Variants in NR3C1 observed in about 807,000 individuals in gnomAD.
NR3C1 encodes glucocorticoid receptor.
A neutral mutation model predicts 74.0 loss-of-function variants in NR3C1; 14 were observed. The observed-to-expected ratio is 0.19, with a 90% CI of 0.12 to 0.30. The LOEUF is 0.30. NR3C1 is among the 10% of genes least tolerant of loss of function. The pLI, the probability that NR3C1 is intolerant of heterozygous loss-of-function variation, is 1.00. For missense variants in NR3C1, 695 were observed against 909.8 expected (o/e 0.76, Z 3.04); for synonymous variants, 308 against 332.5 (o/e 0.93, Z 0.80).
intron 2 of NR3C1, among the ~76,000 whole-genome samples, chr5:143,369,027 A>T (rs993855001): frequency 6.6e-6 from 1 of 151,966 alleles, no homozygotes; most frequent in Non-Finnish European, 1.5e-5. Flanking sequence ...TAGTACATTA[A>T]CTCATGAATG....
At chr5:143,340,906 C>T (rs918088276) in intron 2 of NR3C1, among the ~76,000 whole-genome samples, 1 of 152,092 alleles carries the variant, frequency 6.6e-6, no homozygotes, top group Non-Finnish European at 1.5e-5. Context: ...GCTTGTTGTA[C>T]ATATTATTTC....
At chr5:143,329,267 G>A (rs1242647743) in intron 2 of NR3C1, among the ~76,000 whole-genome samples, 1 of 152,114 alleles carries the variant, frequency 6.6e-6, no homozygotes, top group Non-Finnish European at 1.5e-5. Flanking sequence ...CAGATGTTTT[G>A]CGATCTCCCA....
chr5:143,435,188 T>G, exon 1 of NR3C1: 1 of 985,460 alleles, frequency 1.0e-6, no homozygotes, highest in Non-Finnish European at 1.2e-6. Flanking sequence ...CCACTTTCCC[T>G]TTTTTCTTCT....
At chr5:143,405,066 C>G (rs1561804466), upstream of NR3C1, 13 of 954,238 alleles carry the variant, frequency 1.4e-5, no homozygotes, top group South Asian at 5.3e-4. Flanking sequence ...GAGGGGTGCC[C>G]GTGCGGGAAG....
chr5:143,319,016 G>A (rs968844903), intron 2 of NR3C1, among the ~76,000 whole-genome samples: 3 of 152,204 alleles, frequency 2.0e-5, no homozygotes, highest in African/African-American at 7.2e-5. Context: ...ATAATGAAAT[G>A]GCAAATAAAG....
chr5:143,364,645 T>C (rs1273480006), intron 2 of NR3C1, among the ~76,000 whole-genome samples: 2 of 152,156 alleles, frequency 1.3e-5, no homozygotes, highest in African/African-American at 2.4e-5. Flanking sequence ...AGAAGAGGTA[T>C]ACAGAGGCAA....
intron 2 of NR3C1, among the ~76,000 whole-genome samples, chr5:143,356,429 G>A (rs540019946): frequency 1.1e-4 from 16 of 152,080 alleles, no homozygotes; most frequent in African/African-American, 3.9e-4. Flanking sequence ...AAAATGGGTG[G>A]GAAGTATCTG....
chr5:143,282,919 G>A (rs1286547521), intron 7 of NR3C1, among the ~76,000 whole-genome samples, 194 bp from the exon 8 acceptor site: 1 of 144,866 alleles, frequency 6.9e-6, no homozygotes, highest in Non-Finnish European at 1.5e-5. Flanking sequence ...AGCTAGGACT[G>A]TAGGCACAAG....
intron 2 of NR3C1, among the ~76,000 whole-genome samples, chr5:143,372,389 T>C (rs187196076): frequency 4.6e-5 from 7 of 152,316 alleles, no homozygotes; most frequent in Middle Eastern, 3.4e-3. Context: ...CCTGGATGGC[T>C]ACCAAGTGAC....
At chr5:143,340,066 A>G (rs1204583306) in intron 2 of NR3C1, among the ~76,000 whole-genome samples, 1 of 152,162 alleles carries the variant, frequency 6.6e-6, no homozygotes, top group African/African-American at 2.4e-5. Context: ...CAATTGGAAA[A>G]TAAAATTTAT....
At chr5:143,313,467 T>G (rs10482669) in intron 3 of NR3C1, among the ~76,000 whole-genome samples, 2,086 of 152,272 alleles carry the variant, frequency 0.014, 161 homozygotes, top group Admixed American at 0.12. Context: ...TTCACTTCAG[T>G]GGAGTGTGAC....
intron 2 of NR3C1, among the ~76,000 whole-genome samples, chr5:143,325,532 T>C (rs909628324): frequency 6.6e-6 from 1 of 152,222 alleles, no homozygotes; most frequent in Non-Finnish European, 1.5e-5. Context: ...ATCACAGTGC[T>C]TGTGTTCAAG....
chr5:143,392,741 AAAAAAAAAT>A (rs1838490112), intron 2 of NR3C1, among the ~76,000 whole-genome samples: 2 of 151,554 alleles, frequency 1.3e-5, no homozygotes, highest in South Asian at 4.2e-4. Context: ...ATTATTAGGT[AAAAAAAAAT>A]TAACAAAATG....
At chr5:143,332,508 T>C in intron 2 of NR3C1, 1 of 596,446 alleles carries the variant, frequency 1.7e-6, no homozygotes, top group South Asian at 2.3e-5. Flanking sequence ...GGCCACATGT[T>C]TACCTATGTA....
At chr5:143,389,900 C>A (rs1837930812) in intron 2 of NR3C1, 2 of 968,338 alleles carry the variant, frequency 2.1e-6, no homozygotes, top group Non-Finnish European at 2.5e-6. Flanking sequence ...GATGGCTCTT[C>A]CTTCCCATTT....
chr5:143,435,152 C>T (rs1752049171), exon 1 of NR3C1: 2 of 985,316 alleles, frequency 2.0e-6, no homozygotes. Context: ...CATATTCACA[C>T]TAAGCAATTT....
intron 2 of NR3C1, among the ~76,000 whole-genome samples, chr5:143,348,688 T>G (rs1160813471): frequency 6.6e-6 from 1 of 152,208 alleles, no homozygotes; most frequent in East Asian, 1.9e-4. Flanking sequence ...AAGACTATGA[T>G]GTACCTTACG....
chr5:143,374,833 C>T (rs1834887475), intron 2 of NR3C1, among the ~76,000 whole-genome samples: 1 of 152,030 alleles, frequency 6.6e-6, no homozygotes, highest in African/African-American at 2.4e-5. Flanking sequence ...GCCCAGGATA[C>T]GTTTTTAAGA....
At position 143,342,733 on chromosome 5, in the gene NR3C1, C is replaced by T. The variant is rs1828484563; in HGVS notation, c.1185-28565G>A. 2.6e-5 allele frequency among the ~76,000 whole-genome samples: 4 copies of T among 152,136 alleles called. No homozygotes were observed. The South Asian group carries it at 6.2e-4, about 24-fold the overall frequency. ...CTTTGTAATTGGAATTATAACTGCC[C>T]TGAGTAAAACAGATTGTGTTTTCAT... is the stretch of plus-strand genomic sequence containing the variant. On this transcript the variant is annotated intron_variant, in intron 2 of 8. Coordinates refer to ENST00000394464, the MANE Select transcript of NR3C1 (RefSeq NM_000176.3).
Sources: gnomAD v4.1 joint callset for allele counts (sites outside exome capture counted in the v4.1 genomes callset) on GRCh38, gnomAD v4.1.1 for gene constraint, MANE v1.5 for transcripts, NCBI Gene and HGNC (gene_info 2026-07-23, HGNC 2026-07-21) for gene names.